NUDT19: variants seen among roughly 807,000 people sequenced by gnomAD.
The protein encoded by NUDT19 is acyl-coenzyme A diphosphatase NUDT19.
Under a neutral mutation model 22.2 loss-of-function variants are expected in NUDT19, and 31 were observed. The ratio of observed to expected loss-of-function variants is 1.40; its 90% CI spans 1.05 to 1.89. NUDT19 has a LOEUF of 1.89. Ranked by LOEUF, NUDT19 falls within the 40% of genes most tolerant of loss-of-function variation. The pLI, the probability that NUDT19 is intolerant of heterozygous loss-of-function variation, is 0.00. For synonymous variants in NUDT19, 325 were observed against 230.8 expected (o/e 1.41, Z -3.70); for missense variants, 752 against 514.2 (o/e 1.46, Z -4.47).
In NUDT19 at chr19:32,712,608, G is replaced by A. The variant is rs768635082; in HGVS notation, c.*651G>A. 6.6e-6 allele frequency: 1 copy of A among 151,808 alleles called. No homozygotes were observed. The highest frequency in any genetic ancestry group is 1.5e-5 in the Non-Finnish European group (1 of 68,062). 9.4% of individuals were successfully genotyped at this position (151,808 alleles called of 1,614,324 possible). A position where few individuals can be genotyped will look rare whatever the true frequency, so the allele number is the denominator to read the frequency against. On this transcript the variant is annotated 3_prime_UTR_variant, in exon 3 of 3. Coordinates refer to ENST00000397061, the MANE Select transcript of NUDT19 (RefSeq NM_001105570.2). ...GAGTTTCACCATGTTGGCCAGGCTG[G>A]TCTCGATCTCCTGACCTCATGATCT...
At chr19:32,701,199 GTTTT>G (rs3042685) in intron 1 of NUDT19, among the ~76,000 whole-genome samples, 2,366 of 100,958 alleles carry the variant, frequency 0.023, 23 homozygotes, top group African/African-American at 0.043. Flanking sequence ...CATCTTGCAG[GTTTT>G]TTTTTTTTTT....
In NUDT19 at chr19:32,692,100, T is replaced by TGCA; in HGVS notation, c.143_145dup (p.Gln48dup). The TGCA allele has an allele frequency of 7.2e-7, 1 of 1,397,296 alleles. No homozygotes were observed. The highest frequency in any genetic ancestry group is 1.6e-5 in the South Asian group (1 of 63,180). The allele number at this position is 1,397,296 out of a possible 1,614,324, so 86.6% of individuals were successfully genotyped here. A position where few individuals can be genotyped will look rare whatever the true frequency, so the allele number is the denominator to read the frequency against. Reference sequence around the variant, plus strand: ...GCCGAGGGCTTCCGGCTGCTGCTGCTGCAGCGCTCCCCGCACCAAGGCTTC... The same window carrying TGCA: ...GCCGAGGGCTTCCGGCTGCTGCTGCTGCAGCAGCGCTCCCCGCACCAAGGCTTC... On this transcript the variant is annotated inframe_insertion, in exon 1 of 3. Transcript: ENST00000397061.
Position 32,709,300 on chromosome 19 carries a change from A to C in NUDT19, c.830A>C (p.His277Pro). The C allele has an allele frequency of 6.2e-7, 1 of 1,614,146 alleles. No individual in the cohort carries two copies. The highest frequency in any genetic ancestry group is 8.5e-7 in the Non-Finnish European group (1 of 1,180,012). The change falls in exon 2 of 3, where the codon CAC (histidine) becomes CCC (proline). Residue 277 changes from histidine (H) to proline (P), a missense_variant. Physicochemically the swap from His to Pro is moderately conservative, Grantham distance 77. Transcript: ENST00000397061. ...LANFASLSDL[H>P]KFCLGRALEG... ...AACTTTGCCTCTCTCTCTGACTTGC[A>C]CAAATTTTGTTTGGGTCGTGCATTA...
chr19:32,713,759 A>T lies in NUDT19; in HGVS notation c.*1802A>T, dbSNP rs1357834487. The T allele has an allele frequency of 2.6e-5, 4 of 152,200 alleles. No individual in the cohort carries two copies. The highest frequency in any genetic ancestry group is 5.9e-5 in the Non-Finnish European group (4 of 68,046). 9.4% of individuals were successfully genotyped at this position (152,200 alleles called of 1,614,324 possible). A position where few individuals can be genotyped will look rare whatever the true frequency, so the allele number is the denominator to read the frequency against. The stretch of plus-strand genomic sequence containing the variant: ...TTAATTTTCCTACTATAACATAAAG[A>T]CAATGATGAATAAAGTTTATGTGTA... On this transcript the variant is annotated 3_prime_UTR_variant, in exon 3 of 3. Coordinates refer to ENST00000397061, the MANE Select transcript of NUDT19 (RefSeq NM_001105570.2).
At position 32,700,586 on chromosome 19, in the gene NUDT19, C is replaced by T. The variant is rs560199538; in HGVS notation, c.714+7912C>T. On this transcript the variant is annotated intron_variant, in intron 1 of 2. Transcript: ENST00000397061. ...CTGGGCCCACAGGCACCTGCAACCA[C>T]GCTTGGCTAATTGTTTTATTTTTTG... Among the ~76,000 whole-genome samples, 8 of 152,286 alleles carry T rather than the reference C, an allele frequency of 5.3e-5. No individual in the cohort carries two copies. In the South Asian group the frequency reaches 6.2e-4, roughly 12 times the overall value.
chr19:32,699,711 C>T (rs544062521), intron 1 of NUDT19, among the ~76,000 whole-genome samples: 154 of 152,322 alleles, frequency 1.0e-3, no homozygotes, highest in Non-Finnish European at 1.9e-3. Flanking sequence ...ATAGTCCCTT[C>T]GTGGTCACCA....
chr19:32,693,553 T>G (rs1042289741), intron 1 of NUDT19, among the ~76,000 whole-genome samples: 1 of 152,076 alleles, frequency 6.6e-6, no homozygotes, highest in African/African-American at 2.4e-5. Flanking sequence ...GGTGGCCAGC[T>G]TTTATTCCCT....
intron 2 of NUDT19, among the ~76,000 whole-genome samples, chr19:32,710,168 C>T (rs1599803688): frequency 6.6e-6 from 1 of 151,272 alleles, no homozygotes; most frequent in East Asian, 2.0e-4. Flanking sequence ...TGTGCCACCA[C>T]GCCTGGCTAA....
At chr19:32,696,121 C>T (rs746925410) in intron 1 of NUDT19, among the ~76,000 whole-genome samples, 2 of 152,192 alleles carry the variant, frequency 1.3e-5, no homozygotes, top group African/African-American at 2.4e-5. Context: ...CGCTCCCTAT[C>T]CTCTGGGAGA....
At position 32,691,903 on chromosome 19, in the gene NUDT19, G is replaced by C. The variant is rs1032215127; in HGVS notation, c.-58G>C. 9.6e-7 allele frequency: 1 copy of C among 1,037,354 alleles called. No homozygotes were observed. The highest frequency in any genetic ancestry group is 1.2e-6 in the Non-Finnish European group (1 of 818,334). 64.3% of individuals were successfully genotyped at this position (1,037,354 alleles called of 1,614,324 possible). A position where few individuals can be genotyped will look rare whatever the true frequency, so the allele number is the denominator to read the frequency against. ...GAGGTGCTGGGGTCCCTGCAGGGCC[G>C]GGCCACCTGCCGTGGAGCTCAGGCC... On this transcript the variant is annotated 5_prime_UTR_variant, in exon 1 of 3. Transcript: ENST00000397061.
chr19:32,702,724 A>G lies in NUDT19; in HGVS notation c.715-6461A>G, dbSNP rs146490516. On this transcript the variant is annotated intron_variant, in intron 1 of 2. Transcript: ENST00000397061. ...TTATTTAAATTTGTTATTGTCAATA[A>G]GGTTAGATTCATATCTACCATCTTA... Among the ~76,000 whole-genome samples, 129 of 152,374 alleles carry G rather than the reference A, an allele frequency of 8.5e-4. 1 individual carries two copies. In the South Asian group the frequency reaches 8.7e-3, roughly 10 times the overall value.
chr19:32,696,844 A>G (rs141899046), intron 1 of NUDT19, among the ~76,000 whole-genome samples: 1 of 152,112 alleles, frequency 6.6e-6, no homozygotes, highest in African/African-American at 2.4e-5. Context: ...GAGGAAGTCA[A>G]TTTCCTGGCC....
intron 1 of NUDT19, among the ~76,000 whole-genome samples, chr19:32,703,355 A>AT (rs199781932): frequency 0.011 from 1,639 of 151,764 alleles, 35 homozygotes; most frequent in African/African-American, 0.037. Flanking sequence ...CATATTTACT[A>AT]TTTTTTTATT....
At chr19:32,697,358 A>C (rs1353981288) in intron 1 of NUDT19, among the ~76,000 whole-genome samples, 1 of 152,176 alleles carries the variant, frequency 6.6e-6, no homozygotes, top group Non-Finnish European at 1.5e-5. Flanking sequence ...CTTGTCTTTT[A>C]GGATCAATTG....
At position 32,692,416 on chromosome 19, in the gene NUDT19, C is replaced by A; in HGVS notation, c.456C>A (p.Pro152=). The A allele has an allele frequency of 6.4e-7, 1 of 1,558,444 alleles. No individual in the cohort carries two copies. The highest frequency in any genetic ancestry group is 8.6e-7 in the Non-Finnish European group (1 of 1,159,650). ...GGACTTCCCCACCAGGCCCAGCACC[C>A]GGGCCTGGCCTCGCCCTGGAGCCAC... is the stretch of plus-strand genomic sequence containing the variant. ...RPRTSPPGPA[P]GPGLALEPPP... Residue 152 remains proline, a synonymous_variant, in exon 1 of 3, where the codon CCC becomes CCA. Coordinates refer to ENST00000397061, the MANE Select transcript of NUDT19 (RefSeq NM_001105570.2).
intron 1 of NUDT19, among the ~76,000 whole-genome samples, chr19:32,698,885 C>T (rs1390030200): frequency 6.6e-6 from 1 of 152,190 alleles, no homozygotes; most frequent in African/African-American, 2.4e-5. Context: ...GGACCTTACC[C>T]ATGTCCTATA....
At chr19:32,705,587 CTT>C (rs11387568) in intron 1 of NUDT19, among the ~76,000 whole-genome samples, 69 of 139,256 alleles carry the variant, frequency 5.0e-4, no homozygotes, top group African/African-American at 1.4e-3. Context: ...TTTAGCTGCA[CTT>C]TTTTTTTTTT....
intron 1 of NUDT19, among the ~76,000 whole-genome samples, chr19:32,705,775 G>A (rs559615357): frequency 3.9e-5 from 6 of 152,026 alleles, no homozygotes; most frequent in Admixed American, 3.3e-4. Flanking sequence ...AGTAGAGTCC[G>A]AGTTTCACCA....
chr19:32,709,450 C>T, intron 2 of NUDT19, 58 bp downstream of exon 2: 1 of 1,403,192 alleles, frequency 7.1e-7, no homozygotes, highest in South Asian at 1.2e-5. Flanking sequence ...CCCTGGGCTG[C>T]ATGGCTGTAT....
Sources: gnomAD v4.1 joint callset for allele counts (sites outside exome capture counted in the v4.1 genomes callset) on GRCh38, gnomAD v4.1.1 for gene constraint, MANE v1.5 for transcripts, NCBI Gene and HGNC (gene_info 2026-07-23, HGNC 2026-07-21) for gene names.